Variants in ZNF341 observed in about 807,000 individuals in gnomAD.
ZNF341 encodes zinc finger protein 341.
In ZNF341, 52 loss-of-function variants were observed where a neutral mutation model predicts 87.7. The observed-to-expected ratio is 0.59, with a 90% CI of 0.47 to 0.75. The LOEUF (loss-of-function observed/expected upper bound fraction) is 0.75. Among genes scored for constraint, ZNF341 ranks in the 30% least tolerant of loss-of-function variants. The pLI, the probability that ZNF341 is intolerant of heterozygous loss-of-function variation, is 0.00. For synonymous variants in ZNF341, 459 were observed against 472.7 expected (o/e 0.97, Z 0.38); for missense variants, 977 against 1,145.9 (o/e 0.85, Z 2.13).
In ZNF341 at chr20:33,791,346, C is replaced by T. The variant is rs529805669; in HGVS notation, c.2394C>T (p.Asp798=). The part of the protein sequence containing the change: ...VPGKPPFAEP[D]AVLSIVVGGA... ...GCAAGCCGCCCTTCGCAGAGCCGGA[C>T]GCGGTGCTGTCCATCGTTGTGGGTG... The change falls in exon 15 of 15, where the codon GAC becomes GAT. Residue 798 remains aspartate, a synonymous_variant. Coordinates refer to ENST00000375200, the MANE Select transcript of ZNF341 (RefSeq NM_001282933.2). 1.6e-5 allele frequency: 26 copies of T among 1,612,204 alleles called. No individual in the cohort carries two copies. Among genetic ancestry groups the T allele is most frequent in the South Asian group, 2.2e-5 (2 of 90,962 alleles).
In ZNF341 at chr20:33,732,669, T is replaced by C. The variant is rs1402753326; in HGVS notation, c.31+617T>C. On this transcript the variant is annotated intron_variant, in intron 1 of 14. Transcript: ENST00000375200. The surrounding 1 kb of genome is among the most constrained non-coding windows in gnomAD (Gnocchi z 4.5). ...TTACAAATTAAACTGACACCGTGGG[T>C]GCTGGCGCGGTGTGCCCGGCCGGGA... 6.6e-6 allele frequency among the ~76,000 whole-genome samples: 1 copy of C among 152,180 alleles called. No individual in the cohort carries two copies. The highest frequency in any genetic ancestry group is 1.5e-5 in the Non-Finnish European group (1 of 68,030).
At chr20:33,767,667 T>C (rs2019437735) in intron 9 of ZNF341, among the ~76,000 whole-genome samples, 1 of 152,336 alleles carries the variant, frequency 6.6e-6, no homozygotes, top group Non-Finnish European at 1.5e-5. Context: ...AGAAAGCTTT[T>C]CCTAGAAGCA....
chr20:33,774,961 AACATCAGTAATATGG>A (rs1460549265), intron 10 of ZNF341, among the ~76,000 whole-genome samples: 1 of 152,148 alleles, frequency 6.6e-6, no homozygotes, highest in Non-Finnish European at 1.5e-5. Context: ...GAAAAACAAA[AACATCAGTAATATGG>A]ACATCTTTGC....
chr20:33,788,780 C>A (rs2019928550), intron 12 of ZNF341, 83 bp from the exon 13 acceptor site: 1 of 1,113,674 alleles, frequency 9.0e-7, no homozygotes, highest in Non-Finnish European at 1.4e-6. Flanking sequence ...GAGCTGCTCC[C>A]CTGAGGGGCC....
chr20:33,778,875 CTGGCACA>C (rs1324726089), intron 10 of ZNF341, among the ~76,000 whole-genome samples: 1 of 152,168 alleles, frequency 6.6e-6, no homozygotes, highest in African/African-American at 2.4e-5. Context: ...TCTTCCTTAG[CTGGCACA>C]TGTTTTCATG....
chr20:33,791,828 G>A lies in ZNF341; in HGVS notation c.*311G>A, dbSNP rs771531203. The A allele has an allele frequency of 1.9e-3, 635 of 333,688 alleles. 2 individuals are homozygous for A. Among genetic ancestry groups the A allele is most frequent in the Non-Finnish European group, 2.8e-3 (522 of 183,172 alleles). 20.7% of individuals were successfully genotyped at this position (333,688 alleles called of 1,614,324 possible). A position where few individuals can be genotyped will look rare whatever the true frequency, so the allele number is the denominator to read the frequency against. On this transcript the variant is annotated 3_prime_UTR_variant, in exon 15 of 15. Transcript: ENST00000375200. ...CCCGCTGGTCTAGGCTGGTGGTCGG[G>A]GCCCCTGGGAGAGGAGACAGGGCAT...
chr20:33,732,120 G>C lies in ZNF341; in HGVS notation c.31+68G>C. The C allele has an allele frequency of 1.8e-6, 2 of 1,097,716 alleles. No homozygotes were observed. Among genetic ancestry groups the C allele is most frequent in the Non-Finnish European group, 2.2e-6 (2 of 900,494 alleles). 68.0% of individuals were successfully genotyped at this position (1,097,716 alleles called of 1,614,324 possible). A position where few individuals can be genotyped will look rare whatever the true frequency, so the allele number is the denominator to read the frequency against. ...CGCCCCCTCCCGCCGCGCCCTCGCAGCGCCCGGCCTAGGGCGCGCAGCGGC... is the reference window on the plus strand; with the variant it reads ...CGCCCCCTCCCGCCGCGCCCTCGCACCGCCCGGCCTAGGGCGCGCAGCGGC... On this transcript the variant is annotated intron_variant, in intron 1 of 14. Transcript: ENST00000375200. This position sits in a 1 kb window ranked among gnomAD's most constrained non-coding sequence, Gnocchi z 4.5.
chr20:33,753,283 C>T lies in ZNF341; in HGVS notation c.601C>T (p.Pro201Ser). ...PPPPQPPPPPPQSLGPPGRPN... is the reference protein window; with the variant it reads ...PPPPQPPPPPSQSLGPPGRPN... Reference sequence around the variant, plus strand: ...ACCACCTCAGCCTCCACCACCTCCACCCCAGAGCCTGGGCCCCCCTGGGCG... The same window carrying T: ...ACCACCTCAGCCTCCACCACCTCCATCCCAGAGCCTGGGCCCCCCTGGGCG... Residue 201 changes from proline to serine, a missense_variant, in exon 5 of 15, where the codon CCC (proline) becomes TCC (serine). Transcript: ENST00000375200. 1 of 1,612,260 alleles carries T rather than the reference C, an allele frequency of 6.2e-7. No homozygotes were observed. The highest frequency in any genetic ancestry group is 8.5e-7 in the Non-Finnish European group (1 of 1,179,614).
intron 4 of ZNF341, among the ~76,000 whole-genome samples, chr20:33,750,033 C>T (rs184318545): frequency 2.4e-4 from 36 of 152,154 alleles, no homozygotes; most frequent in African/African-American, 7.7e-4. Context: ...CACAGGTGTG[C>T]GCCACCGCGC....
At chr20:33,734,927 A>G (rs1193152734) in intron 1 of ZNF341, among the ~76,000 whole-genome samples, 5 of 151,866 alleles carry the variant, frequency 3.3e-5, no homozygotes, top group African/African-American at 1.2e-4. Flanking sequence ...GCTGGTCTCA[A>G]ACTCCTGACC....
At chr20:33,776,940 G>A (rs964337474) in intron 10 of ZNF341, among the ~76,000 whole-genome samples, 5 of 151,982 alleles carry the variant, frequency 3.3e-5, no homozygotes, top group Non-Finnish European at 5.9e-5. Flanking sequence ...GATTACAGGC[G>A]TAAGCCATCA....
chr20:33,758,686 CATT>C (rs769290249), intron 6 of ZNF341, 27 bp from the exon 7 acceptor site: 1 of 1,594,566 alleles, frequency 6.3e-7, no homozygotes, highest in South Asian at 1.1e-5. Flanking sequence ...CCCCCAGCCT[CATT>C]GTCCCCTCCT....
At chr20:33,754,263 T>C (rs1481583485) in intron 5 of ZNF341, among the ~76,000 whole-genome samples, 1 of 152,168 alleles carries the variant, frequency 6.6e-6, no homozygotes, top group African/African-American at 2.4e-5. Flanking sequence ...ACAATCAATG[T>C]ACCATACTAA....
intron 3 of ZNF341, among the ~76,000 whole-genome samples, chr20:33,746,961 A>C (rs1418899342): frequency 1.3e-5 from 2 of 152,118 alleles, no homozygotes; most frequent in Non-Finnish European, 2.9e-5. Flanking sequence ...CCAACCTTTA[A>C]ACGGAGGCAG....
chr20:33,789,000 G>T, intron 13 of ZNF341, 26 bp downstream of exon 13: 2 of 1,584,884 alleles, frequency 1.3e-6, no homozygotes, highest in Non-Finnish European at 1.7e-6. Context: ...CATGCAGGGG[G>T]GTGGGTAGCG....
Position 33,766,927 on chromosome 20 carries a change from G to A in ZNF341, c.1299G>A (p.Pro433=), listed in dbSNP as rs150939868. Residue 433 remains proline (P), a synonymous_variant, in exon 9 of 15, where the codon CCG becomes CCA. Coordinates refer to ENST00000375200, the MANE Select transcript of ZNF341 (RefSeq NM_001282933.2). ...STAGEEEGDK[P]ESKQVVLIDS... is the part of the protein sequence containing the mutation. ...CTGGTGAGGAAGAGGGGGACAAGCC[G>A]GAGTCCAAGCAGGTGGTCCTCATCG... 8.9e-5 allele frequency: 143 copies of A among 1,614,144 alleles called. No individual in the cohort carries two copies. The African/African-American group carries it at 1.6e-3, about 18-fold the overall frequency.
chr20:33,763,452 C>T (rs972415262), intron 8 of ZNF341, among the ~76,000 whole-genome samples: 5 of 152,100 alleles, frequency 3.3e-5, no homozygotes, highest in African/African-American at 1.2e-4. Flanking sequence ...GTGCCCTTTA[C>T]CACACCTGGC....
chr20:33,746,878 G>A (rs1568936496), intron 3 of ZNF341, among the ~76,000 whole-genome samples: 1 of 152,184 alleles, frequency 6.6e-6, no homozygotes, highest in East Asian at 1.9e-4. Flanking sequence ...TAGCTGAAGG[G>A]AGGAGGCTGT....
intron 6 of ZNF341, among the ~76,000 whole-genome samples, chr20:33,758,199 G>C (rs1303644284): frequency 1.3e-5 from 2 of 152,092 alleles, no homozygotes; most frequent in African/African-American, 2.4e-5. Flanking sequence ...GAGGTTAATG[G>C]GTCTTATGAT....
Sources: gnomAD v4.1 joint callset for allele counts (sites outside exome capture counted in the v4.1 genomes callset) on GRCh38, gnomAD v4.1.1 for gene constraint, Gnocchi (gnomAD v3.1) non-coding constraint, MANE v1.5 for transcripts, NCBI Gene and HGNC (gene_info 2026-07-23, HGNC 2026-07-21) for gene names.